Variants in CNTN6 observed in about 807,000 individuals in gnomAD.
CNTN6 encodes the protein contactin 6.
Under a neutral mutation model 122.8 loss-of-function variants are expected in CNTN6, and 137 were observed. That is an observed-to-expected ratio of 1.12 (90% CI 0.97 to 1.29). The LOEUF is 1.29. CNTN6 is among the 50% of genes most tolerant of loss of function. CNTN6 has a pLI of 0.00. For synonymous variants in CNTN6, 570 were observed against 426.0 expected, an observed-to-expected ratio of 1.34 and a Z score of -4.16; for missense variants, 1,634 against 1,223.4, an observed-to-expected ratio of 1.34 and a Z score of -5.01.
intron 1 of CNTN6, among the ~76,000 whole-genome samples, chr3:1,099,324 G>A (rs11128529): frequency 0.51 from 77,379 of 151,262 alleles, 20,966 homozygotes; most frequent in East Asian, 0.78. Context: ...GGTGGCGGGC[G>A]CCTGTAGTCC....
chr3:1,331,024 C>T (rs1702217056), intron 11 of CNTN6, among the ~76,000 whole-genome samples: 1 of 151,854 alleles, frequency 6.6e-6, no homozygotes, highest in Non-Finnish European at 1.5e-5. Flanking sequence ...GAAGGGACAT[C>T]ATTTTATCAC....
chr3:1,349,377 C>T (rs1340671646), intron 11 of CNTN6, among the ~76,000 whole-genome samples: 1 of 151,522 alleles, frequency 6.6e-6, no homozygotes, highest in African/African-American at 2.4e-5. Context: ...CCAAGCTTAT[C>T]TATTCTTCTG....
At chr3:1,301,510 G>T (rs764992593) in intron 7 of CNTN6, among the ~76,000 whole-genome samples, 9 of 152,106 alleles carry the variant, frequency 5.9e-5, no homozygotes, top group African/African-American at 1.9e-4. Context: ...CGTTGAACAT[G>T]AAATAATGTT....
chr3:1,145,598 A>T (rs1274619739), intron 1 of CNTN6, among the ~76,000 whole-genome samples: 2 of 152,002 alleles, frequency 1.3e-5, no homozygotes, highest in African/African-American at 4.8e-5. Flanking sequence ...CTGCCATGAC[A>T]ATTGGATACA....
intron 20 of CNTN6, among the ~76,000 whole-genome samples, chr3:1,388,607 A>G (rs1322821755): frequency 3.4e-5 from 5 of 149,168 alleles, no homozygotes; most frequent in East Asian, 3.9e-4. Flanking sequence ...AGACGATCAA[A>G]TTACTCTGAG....
intron 1 of CNTN6, among the ~76,000 whole-genome samples, chr3:1,130,771 T>C (rs2092315632): frequency 6.6e-6 from 1 of 152,014 alleles, no homozygotes; most frequent in Admixed American, 6.6e-5. Context: ...TATGAAAAAA[T>C]GTGCACATAT....
intron 11 of CNTN6, among the ~76,000 whole-genome samples, chr3:1,344,774 T>C (rs953869653): frequency 6.6e-6 from 1 of 152,196 alleles, no homozygotes; most frequent in African/African-American, 2.4e-5. Flanking sequence ...TATTTAACAG[T>C]CCTTTCTATA....
intron 4 of CNTN6, among the ~76,000 whole-genome samples, chr3:1,245,134 A>T (rs1302293135): frequency 2.9e-5 from 2 of 68,554 alleles, no homozygotes; most frequent in Admixed American, 2.1e-4. Flanking sequence ...CACAATTTGC[A>T]ATAGCAAAAT....
At chr3:1,245,307 T>C (rs1333167698) in intron 4 of CNTN6, among the ~76,000 whole-genome samples, 393 of 9,808 alleles carry the variant, frequency 0.04, 92 homozygotes, top group African/African-American at 0.15. Flanking sequence ...TATATATATA[T>C]ATATATATAT....
chr3:1,327,452 A>G lies in CNTN6; in HGVS notation c.1084-5A>G, dbSNP rs750514548. 6.2e-7 allele frequency: 1 copy of G among 1,609,274 alleles called. No homozygotes were observed. Among genetic ancestry groups the G allele is most frequent in the Non-Finnish European group, 8.5e-7 (1 of 1,177,174 alleles). On this transcript the variant is annotated splice_polypyrimidine_tract_variant and splice_region_variant and intron_variant, in intron 9 of 22. Coordinates refer to ENST00000446702, the MANE Select transcript of CNTN6 (RefSeq NM_001289080.2). ...AGCATCTTTATATGCCTTTTCCTTT[A>G]TTAGGAGAGAATTCAAATAGAAAAT...
At chr3:1,180,048 T>G (rs909199164) in intron 2 of CNTN6, among the ~76,000 whole-genome samples, 2 of 152,200 alleles carry the variant, frequency 1.3e-5, no homozygotes, top group African/African-American at 4.8e-5. Context: ...AGTTATGAAT[T>G]TGCAATTTGT....
At chr3:1,289,744 A>G (rs576477826) in intron 5 of CNTN6, among the ~76,000 whole-genome samples, 4 of 146,524 alleles carry the variant, frequency 2.7e-5, no homozygotes, top group Non-Finnish European at 6.0e-5. Context: ...GCGCGATCTC[A>G]GCTCACTGCA....
At chr3:1,110,653 G>A (rs1047958004) in intron 1 of CNTN6, among the ~76,000 whole-genome samples, 1 of 151,868 alleles carries the variant, frequency 6.6e-6, no homozygotes, top group Non-Finnish European at 1.5e-5. Flanking sequence ...GCCCTGAGAA[G>A]TTTTCTTATC....
At chr3:1,315,907 A>G (rs544541438) in intron 7 of CNTN6, among the ~76,000 whole-genome samples, 2 of 152,088 alleles carry the variant, frequency 1.3e-5, no homozygotes, top group Admixed American at 6.6e-5. Context: ...TAGTGTGGAG[A>G]TCTGATTTCA....
chr3:1,388,757 G>A (rs368202010), intron 20 of CNTN6, among the ~76,000 whole-genome samples: 19 of 149,672 alleles, frequency 1.3e-4, no homozygotes, highest in Non-Finnish European at 2.7e-4. Flanking sequence ...CGAGAACTAC[G>A]TGAAGAATGC....
chr3:1,338,822 A>C (rs1297621178), intron 11 of CNTN6, among the ~76,000 whole-genome samples: 1 of 152,188 alleles, frequency 6.6e-6, no homozygotes, highest in East Asian at 1.9e-4. Context: ...GTTACTTGAT[A>C]AATTTTAAAG....
chr3:1,227,721 T>G, intron 3 of CNTN6, 97 bp from the exon 4 acceptor site: 4 of 1,304,038 alleles, frequency 3.1e-6, no homozygotes, highest in Non-Finnish European at 4.3e-6. Flanking sequence ...TTTTTTGGTG[T>G]TTTTTATAGT....
Position 1,328,285 on chromosome 3 carries a change from A to C in CNTN6, c.1213+699A>C, listed in dbSNP as rs928834921. Among the ~76,000 whole-genome samples, 16 of 151,876 alleles carry C rather than the reference A, an allele frequency of 1.1e-4. No homozygotes were observed. In the East Asian group the frequency reaches 3.1e-3, roughly 30 times the overall value. On this transcript the variant is annotated intron_variant, in intron 10 of 22. Transcript: ENST00000446702. The stretch of plus-strand genomic sequence containing the variant: ...GTGCTGAGATTAAAGCAATTTGAGA[A>C]TGATATTTTGGGAAGTCCAACCAGT...
chr3:1,382,104 T>TG (rs200758883), intron 17 of CNTN6, among the ~76,000 whole-genome samples: 4,029 of 143,346 alleles, frequency 0.028, 96 homozygotes, highest in Non-Finnish European at 0.042. Context: ...AGAATATTTA[T>TG]TAAAAAAAAA....
Sources: allele counts gnomAD v4.1 joint callset (sites outside exome capture counted in the v4.1 genomes callset), GRCh38; gene constraint gnomAD v4.1.1; transcripts MANE v1.5; gene names NCBI Gene and HGNC (gene_info 2026-07-23, HGNC 2026-07-21).